Variants in HUNK observed in about 807,000 individuals in gnomAD.
The protein encoded by HUNK is hormonally up-regulated Neu-associated kinase.
In HUNK, 21 loss-of-function variants were observed where a neutral mutation model predicts 61.0. The observed-to-expected ratio is 0.34, with a 90% CI of 0.24 to 0.50. The LOEUF (loss-of-function observed/expected upper bound fraction) is 0.50, where lower values mean the gene tolerates loss of function less well. HUNK is among the 20% of genes least tolerant of loss of function. The probability of loss-of-function intolerance (pLI) is 0.98; values close to 1 mark genes in which losing one functional copy is unlikely to be tolerated. For missense variants in HUNK, 772 were observed against 945.7 expected (o/e 0.82, Z 2.41); for synonymous variants, 371 against 386.1 (o/e 0.96, Z 0.46).
chr21:31,898,633 G>A (rs1258764149), intron 1 of HUNK, among the ~76,000 whole-genome samples: 3 of 152,048 alleles, frequency 2.0e-5, no homozygotes, highest in African/African-American at 4.8e-5. Flanking sequence ...TTTTCTTCTC[G>A]ACCCTGGAGG....
chr21:31,880,811 A>G (rs1230510168), intron 1 of HUNK, among the ~76,000 whole-genome samples: 1 of 152,164 alleles, frequency 6.6e-6, no homozygotes, highest in Non-Finnish European at 1.5e-5. Flanking sequence ...AAGGAGATGA[A>G]TGTGCTTTTA....
In HUNK at chr21:31,938,220, C is replaced by T. The variant is rs113105453; in HGVS notation, c.555-1945C>T. Reference sequence around the variant, plus strand: ...CCCGCAACTGTTCTTTCCCAGTTTGCTGTGAATGCCAGTGTTCCCCACCAG... The same window carrying T: ...CCCGCAACTGTTCTTTCCCAGTTTGTTGTGAATGCCAGTGTTCCCCACCAG... On this transcript the variant is annotated intron_variant, in intron 2 of 10. Coordinates refer to ENST00000270112, the MANE Select transcript of HUNK (RefSeq NM_014586.2). Among the ~76,000 whole-genome samples, 86 of 152,326 alleles carry T rather than the reference C, an allele frequency of 5.6e-4. 1 individual carries two copies. Among genetic ancestry groups the T allele is most frequent in the African/African-American group, 1.9e-3 (77 of 41,582 alleles).
intron 5 of HUNK, among the ~76,000 whole-genome samples, chr21:31,960,630 G>C (rs368464395): frequency 1.2e-3 from 179 of 152,274 alleles, no homozygotes; most frequent in Non-Finnish European, 2.2e-3. Flanking sequence ...TATGAAGGAA[G>C]AGCAAAGGGA....
chr21:31,979,181 C>T (rs984664391), intron 7 of HUNK, among the ~76,000 whole-genome samples: 2 of 150,790 alleles, frequency 1.3e-5, no homozygotes, highest in Non-Finnish European at 2.9e-5. Flanking sequence ...CGGCTCACTG[C>T]AACCTCTGCT....
chr21:31,879,698 G>A (rs947469335), intron 1 of HUNK, among the ~76,000 whole-genome samples: 1 of 152,178 alleles, frequency 6.6e-6, no homozygotes, highest in Non-Finnish European at 1.5e-5. Context: ...GCAATCATCT[G>A]TCCCAGGGTT....
At chr21:31,926,558 T>C (rs73350731) in intron 2 of HUNK, among the ~76,000 whole-genome samples, 10,594 of 152,304 alleles carry the variant, frequency 0.07, 446 homozygotes, top group South Asian at 0.17. Context: ...TCTATGGATT[T>C]GCCTATTCTG....
chr21:31,942,230 G>C (rs1388912032), intron 3 of HUNK, among the ~76,000 whole-genome samples: 1 of 152,212 alleles, frequency 6.6e-6, no homozygotes, highest in Non-Finnish European at 1.5e-5. Flanking sequence ...AGGCTGGTGA[G>C]TCGTGTAAGG....
intron 1 of HUNK, among the ~76,000 whole-genome samples, chr21:31,909,615 A>C (rs2052532285): frequency 6.6e-6 from 1 of 152,184 alleles, no homozygotes; most frequent in Admixed American, 6.5e-5. Context: ...GTGGGGAGCC[A>C]GGGGTCAGAG....
At chr21:31,954,991 C>T (rs962888808) in intron 4 of HUNK, among the ~76,000 whole-genome samples, 2 of 151,988 alleles carry the variant, frequency 1.3e-5, no homozygotes, top group African/African-American at 2.4e-5. Context: ...CCATGTTGCC[C>T]GCCCAGGCTG....
At chr21:31,984,217 A>G (rs1044581228) in intron 8 of HUNK, among the ~76,000 whole-genome samples, 3 of 152,164 alleles carry the variant, frequency 2.0e-5, no homozygotes, top group African/African-American at 7.2e-5. Flanking sequence ...TATATTCAAA[A>G]AGCTAAAAGA....
At chr21:31,983,081 G>C (rs2053109085) in intron 7 of HUNK, among the ~76,000 whole-genome samples, 1 of 152,196 alleles carries the variant, frequency 6.6e-6, no homozygotes, top group African/African-American at 2.4e-5. Flanking sequence ...GGGATTACAG[G>C]TATGAGCCAC....
At chr21:31,897,675 T>C (rs958408718) in intron 1 of HUNK, among the ~76,000 whole-genome samples, 1 of 152,214 alleles carries the variant, frequency 6.6e-6, no homozygotes, top group Admixed American at 6.5e-5. Context: ...CACCATGTTA[T>C]TGTTTTTCTT....
intron 4 of HUNK, among the ~76,000 whole-genome samples, chr21:31,955,879 C>A (rs2052886323): frequency 1.3e-5 from 2 of 152,198 alleles, no homozygotes; most frequent in Non-Finnish European, 2.9e-5. Flanking sequence ...AATGTTAGAG[C>A]CAAGATTAGG....
At chr21:31,939,064 A>G (rs2052751106) in intron 2 of HUNK, among the ~76,000 whole-genome samples, 2 of 152,138 alleles carry the variant, frequency 1.3e-5, no homozygotes, top group South Asian at 2.1e-4. Flanking sequence ...GCAGGCGCAG[A>G]CACCAGAGAC....
chr21:31,956,941 CA>C (rs1410385836), intron 4 of HUNK, among the ~76,000 whole-genome samples: 1 of 152,148 alleles, frequency 6.6e-6, no homozygotes, highest in East Asian at 1.9e-4. Flanking sequence ...GTGCCTTGTT[CA>C]TTCTTGTTTC....
At chr21:31,955,701 G>A (rs1243133638) in intron 4 of HUNK, among the ~76,000 whole-genome samples, 1 of 152,238 alleles carries the variant, frequency 6.6e-6, no homozygotes, top group Non-Finnish European at 1.5e-5. Flanking sequence ...TTTGTGAAAT[G>A]TTTTAGTCAA....
At chr21:31,985,578 AACTGGCAAAG>A (rs2053127189) in intron 8 of HUNK, among the ~76,000 whole-genome samples, 1 of 152,202 alleles carries the variant, frequency 6.6e-6, no homozygotes, top group South Asian at 2.1e-4. Context: ...AGAGAGGAGA[AACTGGCAAAG>A]ACAGGGCTGG....
chr21:31,886,275 A>T (rs566573628), intron 1 of HUNK, among the ~76,000 whole-genome samples: 1 of 152,148 alleles, frequency 6.6e-6, no homozygotes, highest in Non-Finnish European at 1.5e-5. Flanking sequence ...TACAAAAATT[A>T]TCTGGGTGTG....
In HUNK at chr21:31,900,446, AACACACACACACAC is replaced by A. The variant is rs3138690; in HGVS notation, c.262-24002_262-23989del. On this transcript the variant is annotated intron_variant, in intron 1 of 10. Coordinates refer to ENST00000270112, the MANE Select transcript of HUNK (RefSeq NM_014586.2). ...GCTAGAACCAGGTCTTAGTTACTGA[AACACACACACACAC>A]ACACACACACACACACACAAACTCT... Among the ~76,000 whole-genome samples, 4 of 143,126 alleles carry A rather than the reference AACACACACACACAC, an allele frequency of 2.8e-5. No individual in the cohort carries two copies. In the East Asian group the frequency reaches 6.4e-4, roughly 23 times the overall value. 93.9% of individuals were successfully genotyped at this position (143,126 alleles called of 152,430 possible). A position where few individuals can be genotyped will look rare whatever the true frequency, so the allele number is the denominator to read the frequency against.
Sources: allele counts gnomAD v4.1 joint callset (sites outside exome capture counted in the v4.1 genomes callset), GRCh38; gene constraint gnomAD v4.1.1; transcripts MANE v1.5; gene names NCBI Gene and HGNC (gene_info 2026-07-23, HGNC 2026-07-21).